The following NAALADL2 variants were observed in gnomAD, a reference collection of about 807,000 sequenced individuals.
The protein encoded by NAALADL2 is inactive N-acetylated-alpha-linked acidic dipeptidase-like protein 2.
In NAALADL2, 76 loss-of-function variants were observed where a neutral mutation model predicts 87.2. The observed-to-expected ratio is 0.87, with a 90% CI of 0.72 to 1.05. The LOEUF (loss-of-function observed/expected upper bound fraction) is 1.05. Ranked by LOEUF, NAALADL2 falls within the 50% of genes least tolerant of loss-of-function variation. The pLI, the probability that NAALADL2 is intolerant of heterozygous loss-of-function variation, is 0.00. For missense variants in NAALADL2, 1,089 were observed against 945.8 expected (o/e 1.15, Z -1.99); for synonymous variants, 354 against 331.0 (o/e 1.07, Z -0.75).
At chr3:174,875,577 G>A (rs936124763) in intron 1 of NAALADL2, among the ~76,000 whole-genome samples, 1 of 151,962 alleles carries the variant, frequency 6.6e-6, no homozygotes, top group African/African-American at 2.4e-5. Context: ...ATTTAAAATT[G>A]TGTAATTCAC....
chr3:174,676,645 A>G (rs1181183296), intron 2 of NAALADL2, among the ~76,000 whole-genome samples: 1 of 151,938 alleles, frequency 6.6e-6, no homozygotes, highest in African/African-American at 2.4e-5. Flanking sequence ...GATTTATGTG[A>G]GACAGTATAT....
chr3:174,926,161 AAG>A lies in NAALADL2; in HGVS notation c.43+66714_43+66715del, dbSNP rs376829609. On this transcript the variant is annotated intron_variant, in intron 1 of 13. Coordinates refer to ENST00000454872, the MANE Select transcript of NAALADL2 (RefSeq NM_207015.3). ...GCGAGAAGAGAAGTTTAGAGAAAAA[AAG>A]AGTAAAAAGAAATGAACAAAGCCTC... 7.4e-4 allele frequency among the ~76,000 whole-genome samples: 112 copies of A among 152,292 alleles called. 2 individuals are homozygous for A. The South Asian group carries it at 0.023, about 31-fold the overall frequency.
rs1579888290 is a variant in NAALADL2 at position 174,988,324 on chromosome 3, A to G, written c.44-108466A>G. 1.3e-5 allele frequency among the ~76,000 whole-genome samples: 2 copies of G among 152,338 alleles called. 1 individual carries two copies. The highest frequency in any genetic ancestry group is 4.8e-5 in the African/African-American group (2 of 41,576). ...TTCATATACAGTAGAAGCAGTGAAG[A>G]ATGAAGAGGAAGGAAAATAACTTAT... is the stretch of plus-strand genomic sequence containing the variant. On this transcript the variant is annotated intron_variant, in intron 1 of 13. Transcript: ENST00000454872.
chr3:175,299,609 G>T (rs1020569542), intron 4 of NAALADL2, among the ~76,000 whole-genome samples: 1 of 152,144 alleles, frequency 6.6e-6, no homozygotes, highest in Non-Finnish European at 1.5e-5. Flanking sequence ...TACTGTTGGT[G>T]TATAGGAATG....
chr3:175,420,135 T>C (rs555613376), intron 5 of NAALADL2, among the ~76,000 whole-genome samples: 29 of 151,954 alleles, frequency 1.9e-4, no homozygotes, highest in Non-Finnish European at 3.4e-4. Flanking sequence ...ATGCCCGCAG[T>C]TAGATGATTT....
chr3:174,816,508 CATTT>C (rs1428061456), intron 3 of NAALADL2, among the ~76,000 whole-genome samples: 2 of 79,454 alleles, frequency 2.5e-5, no homozygotes, highest in East Asian at 2.0e-4. Context: ...TTATTTTATA[CATTT>C]ATTTATATTA....
At chr3:174,720,069 G>T (rs745390451) in intron 2 of NAALADL2, among the ~76,000 whole-genome samples, 2 of 152,012 alleles carry the variant, frequency 1.3e-5, no homozygotes, top group Non-Finnish European at 2.9e-5. Flanking sequence ...TGAAGTGCTG[G>T]GATTACAGGC....
At chr3:174,809,370 A>G (rs1515619) in intron 3 of NAALADL2, among the ~76,000 whole-genome samples, 113,191 of 151,944 alleles carry the variant, frequency 0.74, 42,752 homozygotes, top group African/African-American at 0.88. Flanking sequence ...CTTTTGTATA[A>G]AGTATTCAGA....
chr3:174,854,798 C>T (rs149128605), upstream of NAALADL2, among the ~76,000 whole-genome samples: 1,353 of 148,456 alleles, frequency 9.1e-3, 21 homozygotes, highest in African/African-American at 0.032. Flanking sequence ...TCAAATATTA[C>T]GTACTTTACA....
At chr3:174,985,111 T>C (rs1259044733) in intron 1 of NAALADL2, among the ~76,000 whole-genome samples, 1 of 152,118 alleles carries the variant, frequency 6.6e-6, no homozygotes, top group African/African-American at 2.4e-5. Context: ...TCTGAGCACA[T>C]AGAATTTGGA....
chr3:175,745,469 A>G (rs1037944948), intron 12 of NAALADL2, among the ~76,000 whole-genome samples: 12 of 152,200 alleles, frequency 7.9e-5, no homozygotes, highest in African/African-American at 2.9e-4. Flanking sequence ...TTCTTCATAT[A>G]AAATTATGTA....
chr3:174,640,062 T>G (rs1723015326), intron 2 of NAALADL2, among the ~76,000 whole-genome samples: 1 of 152,144 alleles, frequency 6.6e-6, no homozygotes, highest in Admixed American at 6.5e-5. Context: ...AGCTTGTTAT[T>G]TGTAATGCTT....
intron 8 of NAALADL2, among the ~76,000 whole-genome samples, chr3:175,469,808 A>G (rs567991173): frequency 1.8e-4 from 27 of 152,158 alleles, no homozygotes; most frequent in African/African-American, 6.5e-4. Flanking sequence ...TGAGGGTCTC[A>G]TGAGAATTAT....
chr3:174,947,995 T>C (rs1333082226), intron 1 of NAALADL2, among the ~76,000 whole-genome samples: 1 of 152,074 alleles, frequency 6.6e-6, no homozygotes, highest in Admixed American at 6.5e-5. Flanking sequence ...TTTTATATAA[T>C]TATATTTAAT....
chr3:175,196,570 C>A (rs1005549702), intron 2 of NAALADL2, among the ~76,000 whole-genome samples: 1 of 151,864 alleles, frequency 6.6e-6, no homozygotes, highest in Admixed American at 6.6e-5. Flanking sequence ...GACTATCCAC[C>A]TTCCTTTTGC....
At chr3:175,521,912 T>C (rs1161078823) in intron 9 of NAALADL2, among the ~76,000 whole-genome samples, 1 of 152,148 alleles carries the variant, frequency 6.6e-6, no homozygotes, top group African/African-American at 2.4e-5. Flanking sequence ...GGAAGAAAAT[T>C]CTTGATGATA....
In NAALADL2 at chr3:174,667,798, A is replaced by G. The variant is rs147408007; in HGVS notation, c.-114-69843A>G. Among the ~76,000 whole-genome samples, 454 of 152,184 alleles carry G rather than the reference A, an allele frequency of 3.0e-3. 4 individuals carry two copies. Among genetic ancestry groups the G allele is most frequent in the African/African-American group, 0.01 (435 of 41,544 alleles). ...TAATTGTATTTCTAAAGGAATAAGT[A>G]GGAAGTGGAGAACAGGAGGAATTGG... On this transcript the variant is annotated intron_variant, in intron 2 of 3. Coordinates refer to the NAALADL2 transcript ENST00000434257.
intron 1 of NAALADL2, among the ~76,000 whole-genome samples, chr3:174,501,170 C>T (rs536163803): frequency 4.9e-5 from 7 of 141,446 alleles, no homozygotes; most frequent in Non-Finnish European, 1.0e-4. Context: ...GCTCCGCCTC[C>T]CGGGTTCACG....
At chr3:174,484,923 G>A (rs1335907274) in intron 1 of NAALADL2, among the ~76,000 whole-genome samples, 2 of 151,882 alleles carry the variant, frequency 1.3e-5, no homozygotes, top group Non-Finnish European at 2.9e-5. Flanking sequence ...TGCTTAGCCG[G>A]TAGTTGTGTC....
Sources: gnomAD v4.1 joint callset for allele counts (sites outside exome capture counted in the v4.1 genomes callset) on GRCh38, gnomAD v4.1.1 for gene constraint, MANE v1.5 for transcripts, NCBI Gene and HGNC (gene_info 2026-07-23, HGNC 2026-07-21) for gene names.